The following NOSTRIN variants were observed in gnomAD, a reference collection of about 807,000 sequenced individuals.
NOSTRIN encodes nitric oxide synthase trafficking.
Under a neutral mutation model 59.0 loss-of-function variants are expected in NOSTRIN, and 63 were observed. The ratio of observed to expected loss-of-function variants is 1.07; its 90% CI spans 0.87 to 1.32. NOSTRIN has a LOEUF of 1.32. Ranked by LOEUF, NOSTRIN falls within the 40% of genes most tolerant of loss-of-function variation. The pLI is 0.00. For synonymous variants in NOSTRIN, 200 were observed against 165.4 expected (o/e 1.21, Z -1.61); for missense variants, 512 against 473.1 (o/e 1.08, Z -0.76).
At chr2:168,857,029 G>A (rs1689171634) in intron 12 of NOSTRIN, among the ~76,000 whole-genome samples, 1 of 152,168 alleles carries the variant, frequency 6.6e-6, no homozygotes, top group African/African-American at 2.4e-5. Flanking sequence ...AAACAGAGTC[G>A]TTCTTTAAGG....
chr2:168,828,897 T>C, intron 5 of NOSTRIN, among the ~76,000 whole-genome samples: 1 of 152,238 alleles, frequency 6.6e-6, no homozygotes, highest in Middle Eastern at 3.4e-3. Flanking sequence ...CTCAACTTTA[T>C]AAAATGAATA....
upstream of NOSTRIN, among the ~76,000 whole-genome samples, chr2:168,794,193 G>A (rs1685424921): frequency 6.6e-6 from 1 of 152,190 alleles, no homozygotes. Context: ...GAATGAATGA[G>A]TGAATGGATG....
At chr2:168,812,702 G>A (rs574506653) in intron 2 of NOSTRIN, among the ~76,000 whole-genome samples, 1 of 152,116 alleles carries the variant, frequency 6.6e-6, no homozygotes, top group Admixed American at 6.5e-5. Context: ...GTAAATATAC[G>A]GGAAGAGTAA....
intron 7 of NOSTRIN, among the ~76,000 whole-genome samples, chr2:168,837,591 G>C (rs1687815389): frequency 6.6e-6 from 1 of 152,056 alleles, no homozygotes. Context: ...TTACAGGCGT[G>C]AGCCACCGCG....
rs1377593139 is a variant in NOSTRIN, at chr2:168,851,302, C to A, written c.753C>A (p.Ala251=). ...AGTGCCACACGCAGATTCACTGTGC[C>A]ATCAGCAAGATTGACATTGAAAAAG... ...LTTCHTQIHC[A]ISKIDIEKDI... is the part of the protein sequence containing the mutation. The change falls in exon 10 of 16, where the codon GCC becomes GCA. Residue 251 remains alanine (A), a synonymous_variant. Transcript: ENST00000317647. 6.2e-7 allele frequency: 1 copy of A among 1,613,770 alleles called. No homozygotes were observed. The highest frequency in any genetic ancestry group is 1.3e-5 in the African/African-American group (1 of 74,986).
In NOSTRIN at chr2:168,864,930, A is replaced by T. The variant is rs371041874; in HGVS notation, c.1481A>T (p.Glu494Val). 87 of 1,614,004 alleles carry T rather than the reference A, an allele frequency of 5.4e-5. No homozygotes were observed. The highest frequency in any genetic ancestry group is 6.6e-5 in the Non-Finnish European group (78 of 1,180,014). The change falls in exon 16 of 16, where the codon GAG becomes GTG. Residue 494 changes from glutamate to valine, a missense_variant. Transcript: ENST00000317647. ...KGHFPAAYVEELPSNAGNTAT... is the reference protein window; with the variant it reads ...KGHFPAAYVEVLPSNAGNTAT... Reference sequence around the variant, plus strand: ...CATTTTCCTGCCGCTTATGTGGAGGAGTTACCTTCAAATGCTGGCAACACA... The same window carrying T: ...CATTTTCCTGCCGCTTATGTGGAGGTGTTACCTTCAAATGCTGGCAACACA...
chr2:168,834,503 G>GCACACACACACACACACA (rs1355060150), intron 7 of NOSTRIN, among the ~76,000 whole-genome samples, 178 bp downstream of exon 7: 1 of 119,740 alleles, frequency 8.4e-6, no homozygotes, highest in Non-Finnish European at 1.9e-5. Context: ...GCGCGCGCGC[G>GCACACACACACACACACA]CGCGCACACA....
chr2:168,839,411 G>A (rs1358331744), intron 7 of NOSTRIN, among the ~76,000 whole-genome samples: 1 of 152,092 alleles, frequency 6.6e-6, no homozygotes, highest in Non-Finnish European at 1.5e-5. Flanking sequence ...AGATGGTAAT[G>A]GTCTGTGGGT....
intron 10 of NOSTRIN, among the ~76,000 whole-genome samples, chr2:168,853,298 T>A (rs545133070): frequency 8.5e-5 from 13 of 152,344 alleles, no homozygotes; most frequent in Admixed American, 6.5e-4. Context: ...TTATCCAGTG[T>A]TATGAAATTT....
At chr2:168,851,883 A>G (rs1688788125) in intron 10 of NOSTRIN, among the ~76,000 whole-genome samples, 1 of 152,162 alleles carries the variant, frequency 6.6e-6, no homozygotes, top group African/African-American at 2.4e-5. Context: ...GCTGCAATCA[A>G]GGTATCAGGT....
chr2:168,810,600 C>A (rs1194843367), intron 1 of NOSTRIN, among the ~76,000 whole-genome samples: 1 of 152,096 alleles, frequency 6.6e-6, no homozygotes, highest in Non-Finnish European at 1.5e-5. Flanking sequence ...TGAATGCTGG[C>A]GATATTTGAA....
upstream of NOSTRIN, among the ~76,000 whole-genome samples, chr2:168,797,079 C>CTTTTCTTTTTTTTTTTTTTTTTTTTTTT (rs1553519713): frequency 2.8e-4 from 21 of 75,054 alleles, no homozygotes; most frequent in Non-Finnish European, 3.5e-4. Flanking sequence ...TTTCTTTTTT[C>CTTTTCTTTTTTTTTTTTTTTTTTTTTTT]TTTTTTTTTT....
chr2:168,863,587 A>AAATTGATGTTGTAT, intron 15 of NOSTRIN: 4 of 985,230 alleles, frequency 4.1e-6, no homozygotes, highest in Non-Finnish European at 4.8e-6. Flanking sequence ...TATTGTCTCC[A>AAATTGATGTTGTAT]AATTGATGTT....
rs1689793634 is a variant in NOSTRIN, at chr2:168,865,222, A to T, written c.*252A>T. On this transcript the variant is annotated 3_prime_UTR_variant, in exon 16 of 16. Coordinates refer to ENST00000317647, the MANE Select transcript of NOSTRIN (RefSeq NM_001039724.4). ...TTCCAAATTCTAGGAGACCCTAGAG[A>T]TGATCCAGTATAACCCCTGGTGTCA... The T allele has an allele frequency of 2.3e-6, 1 of 432,154 alleles. No homozygotes were observed. Among genetic ancestry groups the T allele is most frequent in the East Asian group, 4.2e-5 (1 of 23,698 alleles). The allele number at this position is 432,154 out of a possible 1,614,324, so 26.8% of individuals were successfully genotyped here. A position where few individuals can be genotyped will look rare whatever the true frequency, so the allele number is the denominator to read the frequency against.
chr2:168,845,912 G>A (rs996517058), intron 8 of NOSTRIN, among the ~76,000 whole-genome samples: 4 of 150,036 alleles, frequency 2.7e-5, no homozygotes, highest in African/African-American at 9.8e-5. Context: ...CCTCTATGCT[G>A]GAGGCCACCA....
At position 168,860,858 on chromosome 2, in the gene NOSTRIN, G is replaced by T; in HGVS notation, c.1243G>T (p.Val415Leu). ...TTTAATGAAGAGATTAGAGAATATT[G>T]TGAGCAAGGCATCTTCTGGTGGGCA... ...PFLMKRLENI[V>L]SKASSGGQSN... The change falls in exon 14 of 16, where the codon GTG (valine) becomes TTG (leucine). Residue 415 changes from valine to leucine, a missense_variant. Coordinates refer to ENST00000317647, the MANE Select transcript of NOSTRIN (RefSeq NM_001039724.4). The T allele has an allele frequency of 1.2e-6, 2 of 1,613,994 alleles. No individual in the cohort carries two copies. Among genetic ancestry groups the T allele is most frequent in the Non-Finnish European group, 1.7e-6 (2 of 1,179,958 alleles).
intron 2 of NOSTRIN, among the ~76,000 whole-genome samples, chr2:168,820,332 A>G (rs1471175070): frequency 1.3e-5 from 2 of 152,186 alleles, no homozygotes; most frequent in Non-Finnish European, 2.9e-5. Flanking sequence ...ATGGGTTATC[A>G]GGGATTAAAT....
chr2:168,862,434 A>T (rs1689522516), intron 15 of NOSTRIN, among the ~76,000 whole-genome samples: 1 of 152,238 alleles, frequency 6.6e-6, no homozygotes, highest in South Asian at 2.1e-4. Context: ...CACAGTGCAC[A>T]CTAGGGTAGA....
chr2:168,833,675 C>T (rs1319604778), intron 6 of NOSTRIN, among the ~76,000 whole-genome samples: 2 of 152,210 alleles, frequency 1.3e-5, no homozygotes, highest in Non-Finnish European at 2.9e-5. Flanking sequence ...TCCTTCCCTA[C>T]TTCTTTCTAC....
Sources: allele counts gnomAD v4.1 joint callset (sites outside exome capture counted in the v4.1 genomes callset), GRCh38; gene constraint gnomAD v4.1.1; transcripts MANE v1.5; gene names NCBI Gene and HGNC (gene_info 2026-07-23, HGNC 2026-07-21).